The following GPATCH8 variants were observed in gnomAD, a reference collection of about 807,000 sequenced individuals.
The protein encoded by GPATCH8 is G-patch domain containing 8.
In GPATCH8, 18 loss-of-function variants were observed where a neutral mutation model predicts 118.3. The observed-to-expected ratio is 0.15, with a 90% CI of 0.11 to 0.23. The LOEUF (loss-of-function observed/expected upper bound fraction) is 0.23. Ranked by LOEUF, GPATCH8 falls within the 10% of genes least tolerant of loss-of-function variation. The pLI is 1.00. For missense variants in GPATCH8, 1,631 were observed against 1,873.8 expected (o/e 0.87, Z 2.39); for synonymous variants, 659 against 684.7 (o/e 0.96, Z 0.59).
At position 44,457,917 on chromosome 17, in the gene GPATCH8, T is replaced by TA. The variant is rs959279000; in HGVS notation, c.193+6554dup. ...TAACACGCTAAAACCCCGTCTCTAC[T>TA]AAAAAAAAATACAAAAAATTAGCCA... On this transcript the variant is annotated intron_variant, in intron 3 of 7. Transcript: ENST00000591680. 3.2e-3 allele frequency among the ~76,000 whole-genome samples: 481 copies of TA among 150,014 alleles called. 5 individuals are homozygous for TA. The highest frequency in any genetic ancestry group is 0.011 in the African/African-American group (459 of 40,942).
chr17:44,503,077 AT>A (rs1970215386), intron 1 of GPATCH8, among the ~76,000 whole-genome samples: 2 of 152,298 alleles, frequency 1.3e-5, no homozygotes, highest in South Asian at 4.1e-4. Flanking sequence ...CGGTTCCGAA[AT>A]CCGATGCCAA....
At chr17:44,430,614 T>C (rs2050270650) in intron 5 of GPATCH8, among the ~76,000 whole-genome samples, 1 of 151,136 alleles carries the variant, frequency 6.6e-6, no homozygotes, top group South Asian at 2.1e-4. Context: ...TCTATAAAGA[T>C]CAGAAAGACG....
chr17:44,491,899 T>C (rs968569043), intron 1 of GPATCH8, among the ~76,000 whole-genome samples: 5 of 152,112 alleles, frequency 3.3e-5, no homozygotes, highest in Non-Finnish European at 7.3e-5. Context: ...TATGTGCCTT[T>C]AAAAATGGAA....
chr17:44,450,733 T>C (rs575678989), intron 3 of GPATCH8, among the ~76,000 whole-genome samples: 17 of 152,320 alleles, frequency 1.1e-4, no homozygotes, highest in Middle Eastern at 3.4e-3. Flanking sequence ...CTTTATGTTC[T>C]TATCATTTTC....
At chr17:44,485,271 T>C (rs1203696667) in intron 1 of GPATCH8, among the ~76,000 whole-genome samples, 2 of 152,120 alleles carry the variant, frequency 1.3e-5, no homozygotes, top group African/African-American at 4.8e-5. Flanking sequence ...ACCCGTCTAA[T>C]GTTTTCATTT....
chr17:44,476,204 T>C (rs992749543), intron 1 of GPATCH8, among the ~76,000 whole-genome samples: 2 of 151,894 alleles, frequency 1.3e-5, no homozygotes, highest in African/African-American at 2.4e-5. Context: ...AGCCACGCTG[T>C]TTTACCTTTT....
intron 1 of GPATCH8, among the ~76,000 whole-genome samples, chr17:44,476,076 G>C (rs1164727840): frequency 6.6e-6 from 1 of 152,104 alleles, no homozygotes; most frequent in Non-Finnish European, 1.5e-5. Flanking sequence ...CTAGTAATCT[G>C]AACTTTTAGT....
At chr17:44,452,088 T>C (rs1435809646) in intron 3 of GPATCH8, among the ~76,000 whole-genome samples, 11 of 151,778 alleles carry the variant, frequency 7.2e-5, no homozygotes, top group Admixed American at 2.6e-4. Flanking sequence ...CTGGCCAACA[T>C]AGTGAAACCC....
chr17:44,465,063 A>G (rs2051707677), intron 2 of GPATCH8: 1 of 150,938 alleles, frequency 6.6e-6, no homozygotes, highest in African/African-American at 2.5e-5. Context: ...AATCAGAGCA[A>G]AATCCAGGCT....
chr17:44,401,198 G>A lies in GPATCH8; in HGVS notation c.879C>T (p.Thr293=), dbSNP rs750512804. 3.1e-6 allele frequency: 5 copies of A among 1,614,080 alleles called. No individual in the cohort carries two copies. Among genetic ancestry groups the A allele is most frequent in the Non-Finnish European group, 4.2e-6 (5 of 1,179,962 alleles). The change falls in exon 8 of 8, where the codon ACC becomes ACT. Residue 293 remains threonine (T), a synonymous_variant. Coordinates refer to ENST00000591680, the MANE Select transcript of GPATCH8 (RefSeq NM_001002909.4). ...ATGACACTCCCAATTTTTGCAATGGGGTCCCCAGATTATTCTTAATGCCAA... is the reference window on the plus strand; with the variant it reads ...ATGACACTCCCAATTTTTGCAATGGAGTCCCCAGATTATTCTTAATGCCAA... The part of the protein sequence containing the change: ...ISFGIKNNLG[T]PLQKLGVSFS...
chr17:44,454,452 C>T (rs578236715), intron 3 of GPATCH8, among the ~76,000 whole-genome samples: 1 of 152,320 alleles, frequency 6.6e-6, no homozygotes, highest in African/African-American at 2.4e-5. Flanking sequence ...TTTGCCATGA[C>T]TTAACTCACA....
intron 6 of GPATCH8, among the ~76,000 whole-genome samples, chr17:44,412,825 T>C (rs777102806): frequency 6.6e-6 from 1 of 152,334 alleles, no homozygotes; most frequent in South Asian, 2.1e-4. Flanking sequence ...AATCACAGCC[T>C]CTTCTCTCCA....
chr17:44,429,873 AAC>A (rs1555629668), intron 5 of GPATCH8, among the ~76,000 whole-genome samples: 1 of 151,630 alleles, frequency 6.6e-6, no homozygotes, highest in African/African-American at 2.4e-5. Context: ...AAAAAAAAAA[AAC>A]AAAATTAGCT....
chr17:44,428,773 C>A (rs1409457518), intron 5 of GPATCH8, among the ~76,000 whole-genome samples: 1 of 151,846 alleles, frequency 6.6e-6, no homozygotes, highest in Non-Finnish European at 1.5e-5. Context: ...CACCGCACTT[C>A]TAGGTGACAG....
intron 3 of GPATCH8, among the ~76,000 whole-genome samples, chr17:44,453,163 C>T (rs1379203895): frequency 6.6e-6 from 1 of 152,154 alleles, no homozygotes; most frequent in Non-Finnish European, 1.5e-5. Flanking sequence ...AAGTCTATAC[C>T]TCTGCTCTGA....
At chr17:44,419,911 TTC>T (rs760065274) in intron 6 of GPATCH8, among the ~76,000 whole-genome samples, 3 of 152,230 alleles carry the variant, frequency 2.0e-5, no homozygotes, top group Admixed American at 6.5e-5. Context: ...ATTTATAACA[TTC>T]TGTTTTGAGA....
At chr17:44,494,665 C>T (rs1340572678) in intron 1 of GPATCH8, among the ~76,000 whole-genome samples, 1 of 152,182 alleles carries the variant, frequency 6.6e-6, no homozygotes, top group Non-Finnish European at 1.5e-5. Flanking sequence ...TCCTTTGCTC[C>T]TATTCACATT....
intron 3 of GPATCH8, among the ~76,000 whole-genome samples, chr17:44,454,164 G>GA (rs919079753): frequency 4.6e-5 from 7 of 152,096 alleles, no homozygotes; most frequent in Admixed American, 1.3e-4. Flanking sequence ...ATTATTTAGA[G>GA]AAAAGGTCTT....
intron 5 of GPATCH8, among the ~76,000 whole-genome samples, chr17:44,426,050 T>C (rs1308780472): frequency 6.6e-6 from 1 of 152,140 alleles, no homozygotes; most frequent in African/African-American, 2.4e-5. Flanking sequence ...GGAAATGTAG[T>C]AGAAGCCAGA....
Sources: gnomAD v4.1 joint callset for allele counts (sites outside exome capture counted in the v4.1 genomes callset) on GRCh38, gnomAD v4.1.1 for gene constraint, MANE v1.5 for transcripts, NCBI Gene and HGNC (gene_info 2026-07-23, HGNC 2026-07-21) for gene names.